Variants in MED12L observed in about 807,000 individuals in gnomAD.
The protein encoded by MED12L is mediator complex subunit 12L.
Under a neutral mutation model 281.3 loss-of-function variants are expected in MED12L, and 60 were observed. That is an observed-to-expected ratio of 0.21 (90% CI 0.17 to 0.26). MED12L has a LOEUF of 0.26. MED12L is among the 10% of genes least tolerant of loss of function. The pLI is 1.00. For missense variants in MED12L, 2,146 were observed against 2,680.9 expected (o/e 0.80, Z 4.41); for synonymous variants, 974 against 987.2 (o/e 0.99, Z 0.25).
intron 16 of MED12L, among the ~76,000 whole-genome samples, chr3:151,307,894 CA>C (rs1746931752): frequency 6.6e-6 from 1 of 152,064 alleles, no homozygotes; most frequent in African/African-American, 2.4e-5. Context: ...CTGACCAGTG[CA>C]AAGTATCCTA....
chr3:151,169,850 A>C (rs1721206511), intron 11 of MED12L, among the ~76,000 whole-genome samples: 1 of 152,140 alleles, frequency 6.6e-6, no homozygotes, highest in South Asian at 2.1e-4. Flanking sequence ...CTGTAGTTGC[A>C]ATAGGTTGGA....
intron 2 of MED12L, among the ~76,000 whole-genome samples, chr3:151,109,837 C>T (rs1009639402): frequency 1.3e-5 from 2 of 152,148 alleles, no homozygotes; most frequent in Admixed American, 1.3e-4. Context: ...GATGTGCAGC[C>T]TTTAGTAAGA....
At chr3:151,155,840 G>T (rs1459490973) in intron 5 of MED12L, among the ~76,000 whole-genome samples, 10 of 152,274 alleles carry the variant, frequency 6.6e-5, no homozygotes, top group Admixed American at 6.5e-4. Context: ...TAACAAGGAG[G>T]ATCACCAGAT....
At chr3:151,184,699 A>G (rs377134995) in intron 11 of MED12L, among the ~76,000 whole-genome samples, 79 of 152,252 alleles carry the variant, frequency 5.2e-4, no homozygotes, top group African/African-American at 1.9e-3. Flanking sequence ...CACCATGCTG[A>G]GCCCTACCTA....
At chr3:151,199,140 T>C in intron 16 of MED12L, 2 of 1,614,178 alleles carry the variant, frequency 1.2e-6, no homozygotes, top group Non-Finnish European at 1.7e-6. Context: ...TGGAATATCT[T>C]CAGCTTCCAA....
Position 151,291,380 on chromosome 3 carries a change from T to C in MED12L, c.2251-58679T>C, listed in dbSNP as rs535880024. ...ACAATTTCAAATTGAGGGTAAAATA[T>C]TTATGAAGTGGTTTAATGAATATAA... On this transcript the variant is annotated intron_variant, in intron 16 of 44. Coordinates refer to ENST00000687756, the MANE Select transcript of MED12L (RefSeq NM_001393769.1). Among the ~76,000 whole-genome samples the C allele has an allele frequency of 3.3e-4, 51 of 152,302 alleles. No individual in the cohort carries two copies. In the East Asian group the frequency reaches 5.4e-3, roughly 16 times the overall value.
chr3:151,147,136 T>TA (rs781254977), intron 5 of MED12L, among the ~76,000 whole-genome samples: 1 of 152,208 alleles, frequency 6.6e-6, no homozygotes, highest in African/African-American at 2.4e-5. Flanking sequence ...AACACCCATT[T>TA]ACTCTTCACC....
At chr3:151,332,861 C>T (rs759835886) in intron 16 of MED12L, among the ~76,000 whole-genome samples, 10 of 151,916 alleles carry the variant, frequency 6.6e-5, no homozygotes, top group Non-Finnish European at 1.5e-5. Flanking sequence ...AGCATGGTAC[C>T]GGATAGGTAG....
intron 16 of MED12L, among the ~76,000 whole-genome samples, chr3:151,323,165 G>A (rs1176734004): frequency 6.6e-6 from 1 of 152,128 alleles, no homozygotes; most frequent in African/African-American, 2.4e-5. Flanking sequence ...ACTTTCAATG[G>A]TCTTGGACTC....
rs767901074 is a variant in MED12L, at chr3:151,387,935, C to T, written c.5214C>T (p.Tyr1738=). ...TVRVDRRVIK[Y]EEQHHLLLYH... ...GAGTGGACCGAAGAGTGATCAAGTACGAGGAGCAGCATCACCTCCTGCTGT... is the reference window on the plus strand; with the variant it reads ...GAGTGGACCGAAGAGTGATCAAGTATGAGGAGCAGCATCACCTCCTGCTGT... The change falls in exon 37 of 45, where the codon TAC becomes TAT. Residue 1738 remains tyrosine (Y), a synonymous_variant. Coordinates refer to ENST00000687756, the MANE Select transcript of MED12L (RefSeq NM_001393769.1). The T allele has an allele frequency of 6.8e-6, 11 of 1,613,888 alleles. No individual in the cohort carries two copies. The highest frequency in any genetic ancestry group is 6.6e-5 in the South Asian group (6 of 91,066).
chr3:151,243,138 G>C (rs1198508537), intron 16 of MED12L, among the ~76,000 whole-genome samples: 1 of 152,090 alleles, frequency 6.6e-6, no homozygotes, highest in Non-Finnish European at 1.5e-5. Flanking sequence ...ATCTATGTCT[G>C]CTTGGTGTAC....
intron 16 of MED12L, chr3:151,338,188 A>G (rs1273326735): frequency 1.1e-5 from 18 of 1,614,096 alleles, no homozygotes; most frequent in East Asian, 2.2e-5. Flanking sequence ...GTTCTTACGT[A>G]TGACCGGTAC....
intron 2 of MED12L, among the ~76,000 whole-genome samples, chr3:151,098,560 A>G (rs1721019904): frequency 6.6e-6 from 1 of 152,024 alleles, no homozygotes; most frequent in African/African-American, 2.4e-5. Context: ...ACACATCACT[A>G]ATTTTTGCCT....
At chr3:151,295,681 A>T (rs907140016) in intron 16 of MED12L, among the ~76,000 whole-genome samples, 4 of 152,166 alleles carry the variant, frequency 2.6e-5, no homozygotes, top group African/African-American at 4.8e-5. Context: ...CTGTTTAATC[A>T]TTAAGAATTA....
chr3:151,181,226 C>G (rs900931635), intron 11 of MED12L, among the ~76,000 whole-genome samples: 15 of 151,338 alleles, frequency 9.9e-5, no homozygotes, highest in Admixed American at 2.6e-4. Flanking sequence ...AATATATGTT[C>G]GTTTAAAATT....
At chr3:151,255,310 A>G (rs1348893125) in intron 16 of MED12L, among the ~76,000 whole-genome samples, 1 of 152,164 alleles carries the variant, frequency 6.6e-6, no homozygotes, top group Non-Finnish European at 1.5e-5. Flanking sequence ...TTCATGTGTG[A>G]CATGCAGTGT....
chr3:151,217,358 C>G (rs540007801), intron 16 of MED12L, among the ~76,000 whole-genome samples: 1 of 152,304 alleles, frequency 6.6e-6, no homozygotes, highest in South Asian at 2.1e-4. Flanking sequence ...AGGTCCAGAA[C>G]TCTGCTCTCA....
At chr3:151,427,407 A>G (rs936006749) in intron 43 of MED12L, among the ~76,000 whole-genome samples, 1 of 152,088 alleles carries the variant, frequency 6.6e-6, no homozygotes, top group Admixed American at 6.6e-5. Flanking sequence ...GAACTCCCCA[A>G]CACACACACG....
chr3:151,421,208 C>T (rs1476985012), intron 43 of MED12L, among the ~76,000 whole-genome samples: 1 of 152,106 alleles, frequency 6.6e-6, no homozygotes, highest in Admixed American at 6.5e-5. Flanking sequence ...GTGGTGTCCA[C>T]AGAATGGGTG....
Sources: gnomAD v4.1 joint callset for allele counts (sites outside exome capture counted in the v4.1 genomes callset) on GRCh38, gnomAD v4.1.1 for gene constraint, MANE v1.5 for transcripts, NCBI Gene and HGNC (gene_info 2026-07-23, HGNC 2026-07-21) for gene names.